The following RSF1 variants were observed in gnomAD, a reference collection of about 807,000 sequenced individuals.
RSF1 encodes remodeling and spacing factor 1.
A neutral mutation model predicts 145.2 loss-of-function variants in RSF1; 13 were observed. That is an observed-to-expected ratio of 0.09 (90% confidence interval 0.06 to 0.14). RSF1 has a LOEUF of 0.14. Ranked by LOEUF, RSF1 falls within the 10% of genes least tolerant of loss-of-function variation. The pLI is 1.00. For synonymous variants in RSF1, 577 were observed against 592.6 expected, an observed-to-expected ratio of 0.97 and a Z score of 0.38; for missense variants, 1,517 against 1,718.2, an observed-to-expected ratio of 0.88 and a Z score of 2.07.
chr11:77,815,865 G>A (rs1454406863), intron 1 of RSF1, among the ~76,000 whole-genome samples: 1 of 152,090 alleles, frequency 6.6e-6, no homozygotes. Context: ...TACCGGTGAG[G>A]TCTGTTTAAG....
At chr11:77,856,316 A>G in the RSF1 span, among the ~76,000 whole-genome samples, 1 of 152,084 alleles carries the variant, frequency 6.6e-6, no homozygotes, top group East Asian at 1.9e-4. Flanking sequence ...CCATTTCACA[A>G]TCAGCATTTT....
chr11:77,778,705 C>T (rs915605132), intron 1 of RSF1, among the ~76,000 whole-genome samples: 1 of 152,110 alleles, frequency 6.6e-6, no homozygotes, highest in Non-Finnish European at 1.5e-5. Flanking sequence ...TAAATGGACT[C>T]TTCAGTCTTT....
At chr11:77,837,495 C>T in the RSF1 span, among the ~76,000 whole-genome samples, 3 of 152,060 alleles carry the variant, frequency 2.0e-5, no homozygotes, top group Non-Finnish European at 4.4e-5. Context: ...CGCTCTGTCA[C>T]CCAGGCTGGA....
intron 9 of RSF1, among the ~76,000 whole-genome samples, chr11:77,689,919 T>G (rs912168917): frequency 3.3e-5 from 5 of 152,296 alleles, no homozygotes; most frequent in Admixed American, 2.6e-4. Flanking sequence ...ATCCCAGCTC[T>G]TTGGAAGGCC....
At chr11:77,770,751 C>T (rs1455430294) in intron 1 of RSF1, among the ~76,000 whole-genome samples, 3 of 152,142 alleles carry the variant, frequency 2.0e-5, no homozygotes, top group African/African-American at 7.2e-5. Context: ...ATCAGCATGG[C>T]TTGAGGTGGT....
chr11:77,825,582 A>C (rs1949131480), upstream of RSF1, among the ~76,000 whole-genome samples: 2 of 152,198 alleles, frequency 1.3e-5, no homozygotes, highest in Non-Finnish European at 1.5e-5. Context: ...AATACAAACA[A>C]GATGTAAACC....
chr11:77,826,951 A>C, the RSF1 span, among the ~76,000 whole-genome samples: 1 of 152,116 alleles, frequency 6.6e-6, no homozygotes, highest in Non-Finnish European at 1.5e-5. Context: ...CTAAAAATAC[A>C]AAAATTAGCC....
chr11:77,841,437 T>A, the RSF1 span, among the ~76,000 whole-genome samples: 144 of 152,362 alleles, frequency 9.5e-4, 1 homozygote, highest in Non-Finnish European at 1.5e-3. Flanking sequence ...TAGCTTAGTG[T>A]TCAGCCAAAC....
intron 5 of RSF1, 112 bp from the exon 6 acceptor site, chr11:77,702,607 C>A (rs1284801819): frequency 3.2e-6 from 2 of 620,046 alleles, no homozygotes; most frequent in Non-Finnish European, 4.7e-6. Context: ...AAAGAGGTGG[C>A]CTCTGTCATT....
At chr11:77,769,073 T>C (rs573596682) in intron 1 of RSF1, among the ~76,000 whole-genome samples, 15 of 152,348 alleles carry the variant, frequency 9.8e-5, no homozygotes, top group Admixed American at 9.8e-4. Context: ...TATATATTTT[T>C]TTGAGATGGA....
intron 2 of RSF1, among the ~76,000 whole-genome samples, chr11:77,752,109 A>C (rs945439081): frequency 5.3e-5 from 8 of 152,230 alleles, no homozygotes; most frequent in East Asian, 1.9e-4. Context: ...CAGCGAGGGC[A>C]AAAGTCCTCA....
In RSF1 at chr11:77,676,889, C is replaced by T. The variant is rs149500425; in HGVS notation, c.3244G>A (p.Ala1082Thr). The T allele has an allele frequency of 1.1e-4, 180 of 1,614,172 alleles. No individual in the cohort carries two copies. The highest frequency in any genetic ancestry group is 1.5e-4 in the Non-Finnish European group (172 of 1,180,028). ...KENKRPQRAA[A>T]ARRKKRRRLN... ...CGCCGGCGTTTCTTCCTTCGAGCAG[C>T]AGCTGCCCTCTGGGGTCGTTTATTT... The change falls in exon 13 of 16, where the codon GCT (alanine) becomes ACT (threonine). Residue 1082 changes from alanine to threonine, a missense_variant. Ala to Thr is a moderately conservative substitution (Grantham distance 58). Transcript: ENST00000308488.
intron 15 of RSF1, among the ~76,000 whole-genome samples, chr11:77,668,860 C>T (rs1959443909): frequency 6.6e-6 from 1 of 152,142 alleles, no homozygotes; most frequent in Non-Finnish European, 1.5e-5. Flanking sequence ...ACTCTACTTC[C>T]ATTTTAGAAG....
At chr11:77,705,767 G>C (rs1960533622) in intron 5 of RSF1, among the ~76,000 whole-genome samples, 1 of 151,918 alleles carries the variant, frequency 6.6e-6, no homozygotes, top group Admixed American at 6.6e-5. Context: ...CTACGTGGGA[G>C]GATTGCTTGA....
chr11:77,872,215 T>C, the RSF1 span: 12 of 1,613,796 alleles, frequency 7.4e-6, no homozygotes, highest in African/African-American at 5.3e-5. Flanking sequence ...AAACATGGCA[T>C]TGATGTGCGG....
At chr11:77,691,108 A>G (rs766826656) in intron 9 of RSF1, 51 bp downstream of exon 9, 1 of 1,506,878 alleles carries the variant, frequency 6.6e-7, no homozygotes, top group Non-Finnish European at 9.2e-7. Context: ...ACAGTGAGAC[A>G]ATTCTGCTCT....
intron 1 of RSF1, among the ~76,000 whole-genome samples, chr11:77,810,620 G>A (rs1332724326): frequency 6.6e-6 from 1 of 152,080 alleles, no homozygotes; most frequent in Non-Finnish European, 1.5e-5. Context: ...GAGTGCAATG[G>A]CATAATCATG....
At chr11:77,688,296 T>TCAAAA (rs1222241282) in intron 9 of RSF1, among the ~76,000 whole-genome samples, 6 of 152,296 alleles carry the variant, frequency 3.9e-5, no homozygotes, top group African/African-American at 7.2e-5. Flanking sequence ...AGACTCTGTC[T>TCAAAA]CAAAACAAAA....
chr11:77,802,743 A>G (rs1948638272), intron 1 of RSF1, among the ~76,000 whole-genome samples: 1 of 151,678 alleles, frequency 6.6e-6, no homozygotes, highest in Non-Finnish European at 1.5e-5. Flanking sequence ...GGGTTTCACC[A>G]TGTTGGCATG....
Sources: gnomAD v4.1 joint callset for allele counts (sites outside exome capture counted in the v4.1 genomes callset) on GRCh38, gnomAD v4.1.1 for gene constraint, MANE v1.5 for transcripts, NCBI Gene and HGNC (gene_info 2026-07-23, HGNC 2026-07-21) for gene names.